Variants in PMAIP1 observed in about 807,000 individuals in gnomAD.
PMAIP1 encodes the protein PMA-induced protein 1.
A neutral mutation model predicts 3.7 loss-of-function variants in PMAIP1; 3 were observed. The observed-to-expected ratio is 0.82, with a 90% CI of 0.37 to 2.12. The LOEUF is 2.12. Ranked by LOEUF, PMAIP1 falls within the 30% of genes most tolerant of loss-of-function variation. The pLI, the probability that PMAIP1 is intolerant of heterozygous loss-of-function variation, is 0.06. For synonymous variants in PMAIP1, 29 were observed against 26.2 expected, an observed-to-expected ratio of 1.11 and a Z score of -0.32; for missense variants, 77 against 67.1, an observed-to-expected ratio of 1.15 and a Z score of -0.52.
rs960213483 is a variant in PMAIP1, at chr18:59,900,420, T to C, written c.58+185T>C. On this transcript the variant is annotated intron_variant, in intron 1 of 1. Transcript: ENST00000316660. ...GCCTCCAGAAAGTTCTTCGGGGTTT[T>C]TCCCCAGGACCGGCGGGTACGGCGG... The C allele has an allele frequency of 1.4e-5, 21 of 1,550,202 alleles. No homozygotes were observed. The African/African-American group carries it at 2.9e-4, about 21-fold the overall frequency.
Position 59,900,238 on chromosome 18 carries a change from A to G in PMAIP1, c.58+3A>G, listed in dbSNP as rs1277958518. On this transcript the variant is annotated splice_donor_region_variant and intron_variant, in intron 1 of 1. Coordinates refer to ENST00000316660, the MANE Select transcript of PMAIP1 (RefSeq NM_021127.3). ...GAGCCCCGCGCGGGCTCCAGCAGGT[A>G]CCGACCCGCTGGGGCCAGCGAAGAC... 1.3e-6 allele frequency: 2 copies of G among 1,546,382 alleles called. No individual in the cohort carries two copies. The highest frequency in any genetic ancestry group is 1.7e-6 in the Non-Finnish European group (2 of 1,147,778).
intron 1 of PMAIP1, among the ~76,000 whole-genome samples, chr18:59,902,226 A>G (rs188137645): frequency 1.3e-5 from 2 of 152,322 alleles, no homozygotes; most frequent in Admixed American, 6.5e-5. Flanking sequence ...GCCAACCTTA[A>G]ATGAAGAGAA....
chr18:59,900,559 C>G, intron 1 of PMAIP1: 1 of 1,550,510 alleles, frequency 6.4e-7, no homozygotes, highest in African/African-American at 1.4e-5. Flanking sequence ...TCCCCGGGGC[C>G]ACGAGGAACA....
Position 59,903,012 on chromosome 18 carries a change from T to C in PMAIP1, c.*259T>C. 1 of 617,068 alleles carries C rather than the reference T, an allele frequency of 1.6e-6. No homozygotes were observed. The allele number at this position is 617,068 out of a possible 1,614,324, so 38.2% of individuals were successfully genotyped here. ...AGCAAGAATGGAAGACCCTTGAAAA[T>C]AAAGAAGTAATTATTGACACATTTC... On this transcript the variant is annotated 3_prime_UTR_variant, in exon 2 of 2. Transcript: ENST00000316660.
Position 59,903,984 on chromosome 18 carries a change from C to T in PMAIP1, c.*1231C>T, listed in dbSNP as rs1226436593. On this transcript the variant is annotated 3_prime_UTR_variant, in exon 2 of 2. Transcript: ENST00000316660. ...GCAGGAATAATTTTATTTATTTTGC[C>T]TATTTATAATTAAAGTATTTTTCTT... 1 of 151,864 alleles carries T rather than the reference C, an allele frequency of 6.6e-6. No homozygotes were observed. Among genetic ancestry groups the T allele is most frequent in the Non-Finnish European group, 1.5e-5 (1 of 67,946 alleles). 9.4% of individuals were successfully genotyped at this position (151,864 alleles called of 1,614,324 possible).
At position 59,900,102 on chromosome 18, in the gene PMAIP1, C is replaced by A; in HGVS notation, c.-76C>A. Reference sequence around the variant, plus strand: ...CTGTTCGTGTTCAGCTCGCGTCCTGCAGCTGTCCGAGGTGCTCCAGTTGGA... The same window carrying A: ...CTGTTCGTGTTCAGCTCGCGTCCTGAAGCTGTCCGAGGTGCTCCAGTTGGA... On this transcript the variant is annotated 5_prime_UTR_variant, in exon 1 of 2. Coordinates refer to ENST00000316660, the MANE Select transcript of PMAIP1 (RefSeq NM_021127.3). 1.4e-6 allele frequency: 2 copies of A among 1,470,542 alleles called. No homozygotes were observed. The highest frequency in any genetic ancestry group is 1.4e-5 in the African/African-American group (1 of 71,758). 91.1% of individuals were successfully genotyped at this position (1,470,542 alleles called of 1,614,324 possible).
rs770823107 is a variant in PMAIP1, at chr18:59,903,445, T to C, written c.*692T>C. The stretch of plus-strand genomic sequence containing the variant: ...AACTTTGAAAAAATTGGATAAAGTA[T>C]AGGAGGGTTACTTGGGGCCAGTAAA... On this transcript the variant is annotated 3_prime_UTR_variant, in exon 2 of 2. Transcript: ENST00000316660. The C allele has an allele frequency of 3.3e-5, 5 of 152,516 alleles. No individual in the cohort carries two copies. Among genetic ancestry groups the C allele is most frequent in the Non-Finnish European group, 5.9e-5 (4 of 68,176 alleles). 9.4% of individuals were successfully genotyped at this position (152,516 alleles called of 1,614,324 possible).
Position 59,903,677 on chromosome 18 carries a change from C to T in PMAIP1, c.*924C>T, listed in dbSNP as rs552856864. The stretch of plus-strand genomic sequence containing the variant: ...GCTCCTTGTCACATTAGTGTGCATC[C>T]TACAAAAAGTGATCTCTTAATGTAA... On this transcript the variant is annotated 3_prime_UTR_variant, in exon 2 of 2. Transcript: ENST00000316660. The T allele has an allele frequency of 3.9e-5, 6 of 152,050 alleles. No homozygotes were observed. The East Asian group carries it at 1.2e-3, about 29-fold the overall frequency. The allele number at this position is 152,050 out of a possible 1,614,324, so 9.4% of individuals were successfully genotyped here. A position where few individuals can be genotyped will look rare whatever the true frequency, so the allele number is the denominator to read the frequency against.
chr18:59,901,348 T>A (rs2055767505), intron 1 of PMAIP1, among the ~76,000 whole-genome samples: 1 of 152,242 alleles, frequency 6.6e-6, no homozygotes, highest in Non-Finnish European at 1.5e-5. Flanking sequence ...CCACTTAGAA[T>A]TCAGGGCTTC....
chr18:59,901,661 T>C (rs1286791326), intron 1 of PMAIP1, among the ~76,000 whole-genome samples: 3 of 152,228 alleles, frequency 2.0e-5, no homozygotes, highest in East Asian at 1.9e-4. Context: ...ATTTATAAAA[T>C]AGACCAGATT....
Position 59,899,996 on chromosome 18 carries a change from A to T in PMAIP1, c.-182A>T. On this transcript the variant is annotated 5_prime_UTR_variant, in exon 1 of 2. Transcript: ENST00000316660. The stretch of plus-strand genomic sequence containing the variant: ...GCGTGGTCTCTGGCGCGGGGATCTC[A>T]GAGTTTCCCGGGCACTCACCGTGTG... 1 of 532,298 alleles carries T rather than the reference A, an allele frequency of 1.9e-6. No homozygotes were observed. The highest frequency in any genetic ancestry group is 3.2e-6 in the Non-Finnish European group (1 of 313,762). 33.0% of individuals were successfully genotyped at this position (532,298 alleles called of 1,614,324 possible).
Position 59,904,090 on chromosome 18 carries a change from T to A in PMAIP1, c.*1337T>A, listed in dbSNP as rs958815749. The A allele has an allele frequency of 1.3e-5, 2 of 152,234 alleles. No homozygotes were observed. The highest frequency in any genetic ancestry group is 4.8e-5 in the African/African-American group (2 of 41,464). The allele number at this position is 152,234 out of a possible 1,614,324, so 9.4% of individuals were successfully genotyped here. A position where few individuals can be genotyped will look rare whatever the true frequency, so the allele number is the denominator to read the frequency against. ...ACTTGAATTTTTAGTTAAAATGTCT[T>A]AATGTAGGTTGTAGTCACTTTAGAT... On this transcript the variant is annotated 3_prime_UTR_variant, in exon 2 of 2. Coordinates refer to ENST00000316660, the MANE Select transcript of PMAIP1 (RefSeq NM_021127.3).
chr18:59,900,399 C>T lies in PMAIP1; in HGVS notation c.58+164C>T, dbSNP rs746293413. Reference sequence around the variant, plus strand: ...CCTGGCGCGAGCCTTAGGGGCGCCTCCAGAAAGTTCTTCGGGGTTTTTCCC... The same window carrying T: ...CCTGGCGCGAGCCTTAGGGGCGCCTTCAGAAAGTTCTTCGGGGTTTTTCCC... On this transcript the variant is annotated intron_variant, in intron 1 of 1. Coordinates refer to ENST00000316660, the MANE Select transcript of PMAIP1 (RefSeq NM_021127.3). 4.1e-5 allele frequency: 63 copies of T among 1,549,730 alleles called. No individual in the cohort carries two copies. The Middle Eastern group carries it at 6.7e-4, about 16-fold the overall frequency.
intron 1 of PMAIP1, among the ~76,000 whole-genome samples, chr18:59,900,893 A>C (rs2143559505): frequency 6.6e-6 from 1 of 152,174 alleles, no homozygotes; most frequent in South Asian, 2.1e-4. Flanking sequence ...GAACCCAGTC[A>C]CTGCCCAGAG....
chr18:59,900,147 TGTAGCTGAGTGGGCGGCGGCACC>T lies in PMAIP1; in HGVS notation c.-29_-7del, dbSNP rs1319322954. On this transcript the variant is annotated 5_prime_UTR_variant, in exon 1 of 2. Transcript: ENST00000316660. Reference sequence around the variant, plus strand: ...GTTGGAGGCTGAGGTTCCCGGGCTCTGTAGCTGAGTGGGCGGCGGCACCGGCGGAGATGCCTGGGAAGAAGGCG... The same window carrying T: ...GTTGGAGGCTGAGGTTCCCGGGCTCTGGCGGAGATGCCTGGGAAGAAGGCG... 3.9e-6 allele frequency: 6 copies of T among 1,551,798 alleles called. No homozygotes were observed. In the East Asian group the frequency reaches 1.4e-4, roughly 36 times the overall value.
At chr18:59,901,231 A>G (rs1437457030) in intron 1 of PMAIP1, among the ~76,000 whole-genome samples, 1 of 152,224 alleles carries the variant, frequency 6.6e-6, no homozygotes, top group Non-Finnish European at 1.5e-5. Context: ...TTTGATTGAT[A>G]CTAATACATT....
chr18:59,900,220 G>T lies in PMAIP1; in HGVS notation c.43G>T (p.Ala15Ser). The T allele has an allele frequency of 1.3e-6, 2 of 1,552,486 alleles. No homozygotes were observed. Residue 15 changes from alanine (A) to serine (S), a missense_variant, in exon 1 of 2, where the codon GCG becomes TCG. Ala to Ser is a moderately conservative substitution (Grantham distance 99, BLOSUM62 1). Transcript: ENST00000316660. ...KARKNAQPSP[A>S]RAPAELEVEC... ...GCGCAAGAACGCTCAACCGAGCCCC[G>T]CGCGGGCTCCAGCAGGTACCGACCC...
At position 59,900,212 on chromosome 18, in the gene PMAIP1, C is replaced by G; in HGVS notation, c.35C>G (p.Pro12Arg). The change falls in exon 1 of 2, where the codon CCG (proline) becomes CGG (arginine). Residue 12 changes from proline (P) to arginine (R), a missense_variant. Pro to Arg is a moderately radical substitution (Grantham distance 103, BLOSUM62 -2). Transcript: ENST00000316660. ...AAGAAGGCGCGCAAGAACGCTCAAC[C>G]GAGCCCCGCGCGGGCTCCAGCAGGT... The part of the protein sequence containing the change: ...PGKKARKNAQ[P>R]SPARAPAELE... The G allele has an allele frequency of 6.4e-7, 1 of 1,554,464 alleles. No homozygotes were observed. The highest frequency in any genetic ancestry group is 1.2e-5 in the South Asian group (1 of 84,860).
At chr18:59,900,324 G>A in intron 1 of PMAIP1, 89 bp downstream of exon 1, 1 of 1,511,222 alleles carries the variant, frequency 6.6e-7, no homozygotes, top group Non-Finnish European at 8.8e-7. Context: ...TCAGCTCGCC[G>A]GGGCTCAAGC....
Sources: gnomAD v4.1 joint callset for allele counts (sites outside exome capture counted in the v4.1 genomes callset) on GRCh38, gnomAD v4.1.1 for gene constraint, MANE v1.5 for transcripts, NCBI Gene and HGNC (gene_info 2026-07-23, HGNC 2026-07-21) for gene names.